The following TMC7 variants were observed in gnomAD, a reference collection of about 807,000 sequenced individuals.
TMC7 encodes the protein transmembrane channel like 7, also known as transmembrane channel-like protein 7.
In TMC7, 54 loss-of-function variants were observed where a neutral mutation model predicts 82.9. That is an observed-to-expected ratio of 0.65 (90% CI 0.52 to 0.82). The LOEUF is 0.82. TMC7 is among the 40% of genes least tolerant of loss of function. The pLI is 0.00. For synonymous variants in TMC7, 350 were observed against 337.9 expected, an observed-to-expected ratio of 1.04 and a Z score of -0.39; for missense variants, 820 against 901.2, an observed-to-expected ratio of 0.91 and a Z score of 1.15.
chr16:19,048,833 C>T (rs142451678), intron 12 of TMC7, among the ~76,000 whole-genome samples: 44 of 152,224 alleles, frequency 2.9e-4, no homozygotes, highest in Non-Finnish European at 5.9e-4. Context: ...ACAAGCCCAA[C>T]GTTTATTGAT....
Position 19,047,089 on chromosome 16 carries a change from G to A in TMC7, c.1580G>A (p.Cys527Tyr). The change falls in exon 12 of 16, where the codon TGC becomes TAC. Residue 527 changes from cysteine to tyrosine, a missense_variant. Cys to Tyr is a radical substitution (Grantham distance 194). Transcript: ENST00000304381. Reference protein sequence around the residue: ...RKLLVTYCSSCKLIQCWGQQE... With the variant: ...RKLLVTYCSSYKLIQCWGQQE... The stretch of plus-strand genomic sequence containing the variant: ...CTCCTGGTGACCTACTGTTCCTCTT[G>A]CAAGCTGATTCAGTGCTGGGGGCAG... 6.2e-7 allele frequency: 1 copy of A among 1,612,164 alleles called. No homozygotes were observed. Among genetic ancestry groups the A allele is most frequent in the Non-Finnish European group, 8.5e-7 (1 of 1,179,294 alleles).
chr16:19,061,120 C>G (rs1202956882), intron 15 of TMC7, among the ~76,000 whole-genome samples: 1 of 151,946 alleles, frequency 6.6e-6, no homozygotes, highest in Non-Finnish European at 1.5e-5. Flanking sequence ...TCTCCTGCCT[C>G]AGCATCCCAA....
intron 1 of TMC7, among the ~76,000 whole-genome samples, chr16:18,988,546 C>T (rs2038894385): frequency 6.6e-6 from 1 of 152,150 alleles, no homozygotes; most frequent in African/African-American, 2.4e-5. Context: ...CTGCCTTGGT[C>T]TCCCAAAGTG....
At position 19,023,066 on chromosome 16, in the gene TMC7, G is replaced by A. The variant is rs530133143; in HGVS notation, c.629-47G>A. The A allele has an allele frequency of 1.2e-5, 15 of 1,247,236 alleles. No individual in the cohort carries two copies. In the South Asian group the frequency reaches 1.9e-4, roughly 16 times the overall value. The allele number at this position is 1,247,236 out of a possible 1,614,324, so 77.3% of individuals were successfully genotyped here. On this transcript the variant is annotated intron_variant, in intron 4 of 15. Coordinates refer to ENST00000304381, the MANE Select transcript of TMC7 (RefSeq NM_024847.4). The stretch of plus-strand genomic sequence containing the variant: ...AAACAAAAAAACCAGGCAGGTTATA[G>A]AGACTAAAACTGTTTCCACTGACAT...
Position 19,037,897 on chromosome 16 carries a change from G to C in TMC7, c.1029G>C (p.Met343Ile). The change falls in exon 8 of 16, where the codon ATG (methionine) becomes ATC (isoleucine). Residue 343 changes from methionine (M) to isoleucine (I), a missense_variant. Met to Ile is a conservative substitution (Grantham distance 10). Transcript: ENST00000304381. ...ELRADLEEER[M>I]RQKIAERTSE... ...AGGCAGATCTGGAGGAAGAAAGAAT[G>C]CGGCAGAAAATAGCAGAAAGGACCT... The C allele has an allele frequency of 6.2e-7, 1 of 1,613,300 alleles. No homozygotes were observed. The highest frequency in any genetic ancestry group is 8.5e-7 in the Non-Finnish European group (1 of 1,179,800).
intron 12 of TMC7, 72 bp downstream of exon 12, chr16:19,047,321 G>A: frequency 2.2e-6 from 3 of 1,351,412 alleles, no homozygotes; most frequent in Non-Finnish European, 3.1e-6. Flanking sequence ...AATATGTCTG[G>A]AGCTCACCTC....
intron 1 of TMC7, among the ~76,000 whole-genome samples, chr16:18,989,469 C>T (rs931154160): frequency 6.7e-6 from 1 of 150,240 alleles, no homozygotes; most frequent in Non-Finnish European, 1.5e-5. Flanking sequence ...AACTTTTCGG[C>T]CTCTGACCTT....
intron 12 of TMC7, among the ~76,000 whole-genome samples, chr16:19,050,720 C>G (rs1311167083): frequency 6.6e-6 from 1 of 152,196 alleles, no homozygotes; most frequent in East Asian, 1.9e-4. Context: ...AGGCTGGTCT[C>G]GAACTCCTGG....
At chr16:19,031,129 G>C (rs1318572347) in intron 6 of TMC7, among the ~76,000 whole-genome samples, 1 of 152,174 alleles carries the variant, frequency 6.6e-6, no homozygotes, top group Non-Finnish European at 1.5e-5. Context: ...CAATTCTTAG[G>C]TGTAGTGGTG....
chr16:18,985,508 A>G (rs571899909), intron 1 of TMC7, among the ~76,000 whole-genome samples: 15 of 152,140 alleles, frequency 9.9e-5, no homozygotes, highest in Non-Finnish European at 1.5e-4. Context: ...GGTTCCTATT[A>G]ATAGTCATCT....
At chr16:19,020,293 A>G (rs1226933886) in intron 3 of TMC7, among the ~76,000 whole-genome samples, 2 of 152,228 alleles carry the variant, frequency 1.3e-5, no homozygotes. Context: ...AAAGGTGCCG[A>G]TTATCACAGA....
chr16:19,035,779 A>AG lies in TMC7; in HGVS notation c.962dup (p.Ser321ArgfsTer112). 1.2e-6 allele frequency: 2 copies of AG among 1,610,814 alleles called. No individual in the cohort carries two copies. The highest frequency in any genetic ancestry group is 1.7e-6 in the Non-Finnish European group (2 of 1,178,280). On this transcript the variant is annotated frameshift_variant, in exon 7 of 16. Transcript: ENST00000304381. LOFTEE classifies it high-confidence loss of function. The stretch of plus-strand genomic sequence containing the variant: ...CTGGGACTTCTGCATCACTAACCGC[A>AG]GCATGGCGGATCTGAAGCACAGCAG...
chr16:18,988,892 A>G (rs2038899992), intron 1 of TMC7, among the ~76,000 whole-genome samples: 1 of 152,072 alleles, frequency 6.6e-6, no homozygotes, highest in Non-Finnish European at 1.5e-5. Flanking sequence ...TCTACTAACA[A>G]TACAAAAATT....
chr16:19,025,829 A>G (rs1313946018), intron 5 of TMC7, among the ~76,000 whole-genome samples: 2 of 150,982 alleles, frequency 1.3e-5, no homozygotes, highest in East Asian at 2.0e-4. Flanking sequence ...ATCTTGGCTC[A>G]TTGCAACCTC....
intron 1 of TMC7, among the ~76,000 whole-genome samples, chr16:18,988,481 G>A (rs2142110010): frequency 6.6e-6 from 1 of 152,062 alleles, no homozygotes; most frequent in South Asian, 2.1e-4. Context: ...AGTAGAGACT[G>A]GGTCTGGTTA....
At chr16:19,037,161 C>T (rs975801602) in intron 7 of TMC7, among the ~76,000 whole-genome samples, 7 of 151,642 alleles carry the variant, frequency 4.6e-5, no homozygotes, top group East Asian at 1.9e-4. Context: ...TTTGGGAGGC[C>T]GAGGCAGGTC....
intron 5 of TMC7, among the ~76,000 whole-genome samples, chr16:19,029,642 T>C (rs1005512162): frequency 4.6e-5 from 7 of 151,466 alleles, no homozygotes; most frequent in Non-Finnish European, 7.4e-5. Context: ...TCCAAGGTGC[T>C]GGGATTACAG....
intron 1 of TMC7, 87 bp downstream of exon 1, chr16:18,984,217 G>T (rs768938738): frequency 1.3e-4 from 175 of 1,375,962 alleles, no homozygotes; most frequent in Middle Eastern, 1.1e-3. Context: ...GCTCGGCCTG[G>T]CCGCTGTTCC....
intron 13 of TMC7, among the ~76,000 whole-genome samples, chr16:19,055,314 T>G (rs11646094): frequency 0.53 from 80,119 of 152,032 alleles, 23,417 homozygotes; most frequent in East Asian, 0.81. Context: ...AATACCATGT[T>G]TCTGTCATTT....
Sources: allele counts gnomAD v4.1 joint callset (sites outside exome capture counted in the v4.1 genomes callset), GRCh38; gene constraint gnomAD v4.1.1; transcripts MANE v1.5; gene names NCBI Gene and HGNC (gene_info 2026-07-23, HGNC 2026-07-21).